The following CDRT4 variants were observed in gnomAD, a reference collection of about 807,000 sequenced individuals.
CDRT4 encodes the protein CMT1A duplicated region transcript 4, also known as CMT1A duplicated region transcript 4 protein.
For missense variants in CDRT4, 167 were observed against 193.1 expected, an observed-to-expected ratio of 0.87 and a Z score of 0.80; for synonymous variants, 64 against 69.6, an observed-to-expected ratio of 0.92 and a Z score of 0.40.
chr17:15,457,480 CCA>C (rs753151525), intron 1 of CDRT4, among the ~76,000 whole-genome samples: 8 of 152,238 alleles, frequency 5.3e-5, no homozygotes, highest in Admixed American at 1.3e-4. Context: ...GCCTTTGCAA[CCA>C]CAGAGTGGAT....
rs77177117 is a variant in CDRT4 at position 15,453,494 on chromosome 17, T to C, written c.-129-409A>G. 1.9e-4 allele frequency among the ~76,000 whole-genome samples: 29 copies of C among 152,334 alleles called. No individual in the cohort carries two copies. In the East Asian group the frequency reaches 5.4e-3, roughly 28 times the overall value. On this transcript the variant is annotated intron_variant, in intron 1 of 3. Coordinates refer to ENST00000619038, the MANE Select transcript of CDRT4 (RefSeq NM_001204477.2). ...TGGTGGAGGGATGTGTCAAATACTT[T>C]TAAAATCCGGGAACGGGCCCTTCAT...
chr17:15,439,205 T>C (rs1346767968), intron 3 of CDRT4: 2 of 455,292 alleles, frequency 4.4e-6, no homozygotes, highest in African/African-American at 2.0e-5. Flanking sequence ...TCTTTGGTCA[T>C]TTCAACTGGA....
rs115953494 is a variant in CDRT4, at chr17:15,440,597, A to G, written c.-47-312T>C. 5.0e-3 allele frequency among the ~76,000 whole-genome samples: 765 copies of G among 152,192 alleles called. 5 individuals are homozygous for G. The highest frequency in any genetic ancestry group is 0.018 in the African/African-American group (730 of 41,502). On this transcript the variant is annotated intron_variant, in intron 2 of 3. Transcript: ENST00000619038. ...GGGGGCTGTGTGGAGGCTGGTCCAC[A>G]GAGGGGAAGTGAAAAAAAAAAGTCC...
intron 1 of CDRT4, among the ~76,000 whole-genome samples, chr17:15,462,744 T>C (rs1979814447): frequency 6.6e-6 from 1 of 152,228 alleles, no homozygotes; most frequent in South Asian, 2.1e-4. Context: ...GGTTTAGAAA[T>C]ACATTTAGTG....
At chr17:15,452,943 C>A (rs1979328295) in intron 2 of CDRT4, 61 bp downstream of exon 2, 1 of 152,170 alleles carries the variant, frequency 6.6e-6, no homozygotes, top group Admixed American at 6.5e-5. Context: ...ACATTCCAAG[C>A]AACTCTTGGC....
At chr17:15,449,573 T>G (rs1434374986) in intron 2 of CDRT4, among the ~76,000 whole-genome samples, 4 of 152,212 alleles carry the variant, frequency 2.6e-5, no homozygotes, top group Non-Finnish European at 5.9e-5. Context: ...TTATATTTAT[T>G]TTAGATTCAA....
chr17:15,459,976 T>G (rs1349236635), intron 1 of CDRT4, among the ~76,000 whole-genome samples: 1 of 152,076 alleles, frequency 6.6e-6, no homozygotes, highest in Admixed American at 6.5e-5. Flanking sequence ...CTGCTCCACT[T>G]AGGGTGAGGG....
At chr17:15,460,572 C>G (rs1979700456) in intron 1 of CDRT4, among the ~76,000 whole-genome samples, 1 of 152,196 alleles carries the variant, frequency 6.6e-6, no homozygotes. Context: ...ACATCTAATA[C>G]AGTGGAAGCA....
At chr17:15,451,912 C>T (rs924051061) in intron 2 of CDRT4, among the ~76,000 whole-genome samples, 1 of 152,208 alleles carries the variant, frequency 6.6e-6, no homozygotes, top group Non-Finnish European at 1.5e-5. Context: ...TGATCTCATC[C>T]ATCACATTCA....
intron 1 of CDRT4, among the ~76,000 whole-genome samples, chr17:15,455,691 A>C (rs1597465786): frequency 1.3e-5 from 2 of 152,290 alleles, no homozygotes; most frequent in African/African-American, 4.8e-5. Context: ...TGTGGCAAGG[A>C]ACTAAGGGAG....
Position 15,456,841 on chromosome 17 carries a change from G to A in CDRT4, c.-129-3756C>T, listed in dbSNP as rs185299227. 5.9e-5 allele frequency among the ~76,000 whole-genome samples: 9 copies of A among 152,176 alleles called. No individual in the cohort carries two copies. In the East Asian group the frequency reaches 1.7e-3, roughly 29 times the overall value. On this transcript the variant is annotated intron_variant, in intron 1 of 3. Transcript: ENST00000619038. ...AACACAAGAACGCAGAAACTATTGT[G>A]CATGGTGGACCCAAAGAGTGCCTTT... is the stretch of plus-strand genomic sequence containing the variant.
chr17:15,457,517 A>G (rs1979540638), intron 1 of CDRT4, among the ~76,000 whole-genome samples: 1 of 152,192 alleles, frequency 6.6e-6, no homozygotes. Context: ...AGGTGCCCAG[A>G]TGGGCCCTGC....
At position 15,438,148 on chromosome 17, in the gene CDRT4, G is replaced by C; in HGVS notation, c.84C>G (p.Pro28=). The stretch of plus-strand genomic sequence containing the variant: ...AGGTATAGGTGACATAGGCCGGCCA[G>C]GGGTCATGTTTTTCAAGTAGCTTCC... ...LPRKLLEKHD[P]WPAYVTYTSQ... Residue 28 remains proline (P), a synonymous_variant, in exon 4 of 4, where the codon CCC becomes CCG. Coordinates refer to ENST00000619038, the MANE Select transcript of CDRT4 (RefSeq NM_001204477.2). 6.2e-7 allele frequency: 1 copy of C among 1,614,146 alleles called. No homozygotes were observed. Among genetic ancestry groups the C allele is most frequent in the Non-Finnish European group, 8.5e-7 (1 of 1,180,020 alleles).
chr17:15,456,879 A>T (rs1979508936), intron 1 of CDRT4, among the ~76,000 whole-genome samples: 1 of 152,126 alleles, frequency 6.6e-6, no homozygotes. Flanking sequence ...TTTGGAATCG[A>T]TCCTGTTTGT....
rs3029212 is a variant in CDRT4 at position 15,456,563 on chromosome 17, T to TACACACACAC, written c.-129-3488_-129-3479dup. On this transcript the variant is annotated intron_variant, in intron 1 of 3. Coordinates refer to ENST00000619038, the MANE Select transcript of CDRT4 (RefSeq NM_001204477.2). ...AGGAAGATTGCCGCTAATCTTCCTT[T>TACACACACAC]ACACACACACACACACACACACACA... is the stretch of plus-strand genomic sequence containing the variant. Among the ~76,000 whole-genome samples the TACACACACAC allele has an allele frequency of 8.3e-3, 1,205 of 145,706 alleles. 17 individuals carry two copies. Among genetic ancestry groups the TACACACACAC allele is most frequent in the African/African-American group, 0.029 (1,138 of 39,154 alleles).
chr17:15,465,912 T>G (rs1980019354), intron 1 of CDRT4, among the ~76,000 whole-genome samples: 1 of 151,898 alleles, frequency 6.6e-6, no homozygotes, highest in African/African-American at 2.4e-5. Context: ...GATCCTAGAG[T>G]TGCTGCACCT....
chr17:15,463,290 G>T (rs1045050130), intron 1 of CDRT4, among the ~76,000 whole-genome samples: 12 of 152,038 alleles, frequency 7.9e-5, no homozygotes, highest in Non-Finnish European at 8.8e-5. Flanking sequence ...CTGGAGATGT[G>T]CCACCAGGCA....
chr17:15,437,993 TTCC>T lies in CDRT4; in HGVS notation c.236_238del (p.Arg79del). The T allele has an allele frequency of 6.2e-7, 1 of 1,614,162 alleles. No individual in the cohort carries two copies. Among genetic ancestry groups the T allele is most frequent in the African/African-American group, 1.3e-5 (1 of 75,032 alleles). Reference sequence around the variant, plus strand: ...AGCTTTGCCAGAAGACTTGGAAGACTTCCTCCTTTTCGGCTGAATGACGCTGGA... The same window carrying T: ...AGCTTTGCCAGAAGACTTGGAAGACTTCCTTTTCGGCTGAATGACGCTGGA... On this transcript the variant is annotated inframe_deletion, in exon 4 of 4. Transcript: ENST00000619038.
intron 2 of CDRT4, among the ~76,000 whole-genome samples, chr17:15,443,282 C>CTTT (rs34600279): frequency 2.3e-4 from 32 of 141,182 alleles, no homozygotes; most frequent in African/African-American, 6.8e-4. Flanking sequence ...TTTTTTCTTT[C>CTTT]TTTTTTTTTT....
Sources: allele counts gnomAD v4.1 joint callset (sites outside exome capture counted in the v4.1 genomes callset), GRCh38; gene constraint gnomAD v4.1.1; transcripts MANE v1.5; gene names NCBI Gene and HGNC (gene_info 2026-07-23, HGNC 2026-07-21).